Variants in RNF144A observed in about 807,000 individuals in gnomAD.
RNF144A encodes the protein ring finger protein 144A, also known as E3 ubiquitin-protein ligase RNF144A.
RNF144A carries 11 observed loss-of-function variants against 38.7 expected under a neutral mutation model. The observed-to-expected ratio is 0.28, with a 90% CI of 0.18 to 0.47. The LOEUF is 0.47. RNF144A is among the 20% of genes least tolerant of loss of function. The pLI is 0.99. For missense variants in RNF144A, 316 were observed against 377.2 expected (o/e 0.84, Z 1.34); for synonymous variants, 149 against 143.9 (o/e 1.04, Z -0.25).
At chr2:7,012,500 T>G (rs1308530474) in intron 3 of RNF144A, among the ~76,000 whole-genome samples, 1 of 152,246 alleles carries the variant, frequency 6.6e-6, no homozygotes, top group African/African-American at 2.4e-5. Context: ...TGTCTGGCTC[T>G]GAAGCCTACA....
chr2:7,069,436 A>T (rs1255572554), downstream of RNF144A, among the ~76,000 whole-genome samples: 1 of 152,060 alleles, frequency 6.6e-6, no homozygotes, highest in Non-Finnish European at 1.5e-5. Context: ...AGCATTGCCT[A>T]TTTTCCCTTC....
At chr2:7,060,798 C>T (rs1673921399) in intron 6 of RNF144A, among the ~76,000 whole-genome samples, 1 of 152,206 alleles carries the variant, frequency 6.6e-6, no homozygotes. Context: ...ATCCACCTGA[C>T]CCCATCGCCC....
In RNF144A at chr2:7,058,338, GAAA is replaced by G. The variant is rs376684925; in HGVS notation, c.735-9862_735-9860del. ...ACCACAGGAAGTGTATGGGGGAACTGAAAAAAAAAAAAAAAAAAGTAATTATCA... is the reference window on the plus strand; with the variant it reads ...ACCACAGGAAGTGTATGGGGGAACTGAAAAAAAAAAAAAAAGTAATTATCA... On this transcript the variant is annotated intron_variant, in intron 6 of 6. Transcript: ENST00000432850. 7.9e-3 allele frequency among the ~76,000 whole-genome samples: 841 copies of G among 105,994 alleles called. 7 individuals carry two copies. Among genetic ancestry groups the G allele is most frequent in the African/African-American group, 0.022 (786 of 34,948 alleles). The allele number at this position is 105,994 out of a possible 152,430, so 69.5% of individuals were successfully genotyped here.
chr2:7,059,365 T>C (rs1355014690), intron 6 of RNF144A, among the ~76,000 whole-genome samples: 1 of 152,088 alleles, frequency 6.6e-6, no homozygotes, highest in Non-Finnish European at 1.5e-5. Flanking sequence ...TAAATGCTAC[T>C]TTGGATGTAT....
chr2:6,966,723 T>TC (rs1667689198), intron 2 of RNF144A, among the ~76,000 whole-genome samples: 1 of 152,172 alleles, frequency 6.6e-6, no homozygotes, highest in African/African-American at 2.4e-5. Context: ...TGAAGCGACT[T>TC]CAACTTTAAT....
intron 6 of RNF144A, among the ~76,000 whole-genome samples, chr2:7,058,228 A>G (rs1315836157): frequency 6.6e-6 from 1 of 152,088 alleles, no homozygotes; most frequent in Non-Finnish European, 1.5e-5. Context: ...TAGATCAGAA[A>G]TGAAGAAAGA....
At chr2:6,930,617 G>T (rs1558357793) in intron 1 of RNF144A, among the ~76,000 whole-genome samples, 1 of 151,740 alleles carries the variant, frequency 6.6e-6, no homozygotes, top group African/African-American at 2.4e-5. Flanking sequence ...TTTGAGACAG[G>T]ATCTTGCTCT....
intron 6 of RNF144A, among the ~76,000 whole-genome samples, chr2:7,050,280 G>C (rs1242605777): frequency 1.3e-5 from 2 of 152,168 alleles, no homozygotes; most frequent in Non-Finnish European, 2.9e-5. Flanking sequence ...AGTCTCAGGA[G>C]ATCTTATGGT....
downstream of RNF144A, among the ~76,000 whole-genome samples, chr2:7,047,278 CTG>C (rs1673345030): frequency 1.3e-5 from 2 of 151,934 alleles, no homozygotes; most frequent in South Asian, 2.1e-4. Flanking sequence ...ATGTGTGTGA[CTG>C]TGTGTATGAA....
chr2:7,003,798 G>C (rs994219383), intron 3 of RNF144A, among the ~76,000 whole-genome samples: 1 of 152,234 alleles, frequency 6.6e-6, no homozygotes, highest in African/African-American at 2.4e-5. Context: ...TGGCCACTCT[G>C]GGCCTTCCTT....
chr2:7,020,786 A>C, intron 6 of RNF144A, 106 bp downstream of exon 6: 1 of 938,664 alleles, frequency 1.1e-6, no homozygotes, highest in Admixed American at 1.8e-5. Flanking sequence ...GCTGTGGCTC[A>C]GTCAACCCTA....
At chr2:6,981,160 T>A (rs1322579271) in intron 2 of RNF144A, among the ~76,000 whole-genome samples, 1 of 152,202 alleles carries the variant, frequency 6.6e-6, no homozygotes, top group Non-Finnish European at 1.5e-5. Flanking sequence ...GGAGTTGCCT[T>A]GAAGATCTCT....
At chr2:7,068,322 G>A (rs1294128385), downstream of RNF144A, 3 of 1,113,848 alleles carry the variant, frequency 2.7e-6, no homozygotes, top group Non-Finnish European at 3.7e-6. Flanking sequence ...TTAATACAGA[G>A]TAATTCATTT....
intron 6 of RNF144A, among the ~76,000 whole-genome samples, chr2:7,061,673 G>T (rs1222273955): frequency 2.6e-5 from 4 of 152,182 alleles, no homozygotes; most frequent in African/African-American, 9.7e-5. Context: ...TATGATTTAG[G>T]CTGAATGCTG....
intron 3 of RNF144A, among the ~76,000 whole-genome samples, chr2:7,006,779 G>A (rs1670471382): frequency 6.6e-6 from 1 of 151,952 alleles, no homozygotes; most frequent in Admixed American, 6.6e-5. Context: ...TTTAAGTGGG[G>A]CTCCTTACCT....
downstream of RNF144A, among the ~76,000 whole-genome samples, chr2:7,048,635 G>A (rs116219582): frequency 8.4e-3 from 1,275 of 152,258 alleles, 7 homozygotes; most frequent in Non-Finnish European, 0.013. Context: ...CACGTTGCTT[G>A]GAATTAGGGG....
chr2:7,037,714 A>G (rs186161156), intron 8 of RNF144A, among the ~76,000 whole-genome samples: 12 of 152,356 alleles, frequency 7.9e-5, no homozygotes, highest in African/African-American at 2.9e-4. Flanking sequence ...TTCAGGAGAA[A>G]TCTCAGTCGA....
intron 2 of RNF144A, among the ~76,000 whole-genome samples, chr2:6,961,467 T>C (rs1667334224): frequency 1.3e-5 from 2 of 151,954 alleles, no homozygotes; most frequent in Non-Finnish European, 2.9e-5. Context: ...TCCAGGGCAC[T>C]GTGAGTGGAG....
intron 2 of RNF144A, among the ~76,000 whole-genome samples, chr2:6,970,855 G>T (rs1387555391): frequency 1.3e-5 from 2 of 152,178 alleles, no homozygotes; most frequent in African/African-American, 4.8e-5. Context: ...TCCTCCTGCA[G>T]CCCTCATTCC....
Sources: allele counts gnomAD v4.1 joint callset (sites outside exome capture counted in the v4.1 genomes callset), GRCh38; gene constraint gnomAD v4.1.1; transcripts MANE v1.5; gene names NCBI Gene and HGNC (gene_info 2026-07-23, HGNC 2026-07-21).